Variants in HMG20A observed in about 807,000 individuals in gnomAD.
HMG20A encodes high mobility group protein 20A.
Under a neutral mutation model 43.9 loss-of-function variants are expected in HMG20A, and 17 were observed. The ratio of observed to expected loss-of-function variants is 0.39; its 90% CI spans 0.27 to 0.58. The LOEUF (loss-of-function observed/expected upper bound fraction) is 0.58. Ranked by LOEUF, HMG20A falls within the 20% of genes least tolerant of loss-of-function variation. The probability of loss-of-function intolerance (pLI) is 0.59; values close to 1 mark genes in which losing one functional copy is unlikely to be tolerated. For synonymous variants in HMG20A, 132 were observed against 147.5 expected (o/e 0.89, Z 0.76); for missense variants, 341 against 438.2 (o/e 0.78, Z 1.98).
the HMG20A span, among the ~76,000 whole-genome samples, chr15:77,505,261 G>A: frequency 6.6e-6 from 1 of 152,242 alleles, no homozygotes; most frequent in Admixed American, 6.5e-5. Context: ...CATCGACAAG[G>A]CTGAAGCAGG....
At chr15:77,519,435 A>C in the HMG20A span, among the ~76,000 whole-genome samples, 4 of 152,310 alleles carry the variant, frequency 2.6e-5, no homozygotes, top group South Asian at 4.1e-4. Context: ...GTGTCCCTCC[A>C]ATATTCACAT....
chr15:77,436,579 CT>C (rs2073551366), intron 1 of HMG20A, among the ~76,000 whole-genome samples: 1 of 152,106 alleles, frequency 6.6e-6, no homozygotes, highest in African/African-American at 2.4e-5. Flanking sequence ...CTGCCTCAGC[CT>C]CCCAAGTAGC....
chr15:77,486,452 G>T (rs1437993185), downstream of HMG20A, among the ~76,000 whole-genome samples: 1 of 151,964 alleles, frequency 6.6e-6, no homozygotes, highest in East Asian at 1.9e-4. Context: ...GTAGAGACAG[G>T]GTTTCACCAT....
the HMG20A span, among the ~76,000 whole-genome samples, chr15:77,498,401 T>A: frequency 1.7e-4 from 26 of 152,204 alleles, no homozygotes; most frequent in Admixed American, 1.7e-3. Flanking sequence ...GGGTGTTAAC[T>A]CTGTTTATTC....
At chr15:77,477,209 A>G (rs560959098) in intron 6 of HMG20A, among the ~76,000 whole-genome samples, 3 of 152,348 alleles carry the variant, frequency 2.0e-5, no homozygotes, top group Admixed American at 6.5e-5. Context: ...CTCTTTCTCA[A>G]TTCCCACTGC....
intron 1 of HMG20A, among the ~76,000 whole-genome samples, chr15:77,427,398 C>A (rs1483223004): frequency 6.6e-6 from 1 of 152,110 alleles, no homozygotes; most frequent in Non-Finnish European, 1.5e-5. Flanking sequence ...AATGGTTCTA[C>A]AAGCATGGGT....
chr15:77,510,700 C>T, the HMG20A span, among the ~76,000 whole-genome samples: 1 of 152,138 alleles, frequency 6.6e-6, no homozygotes, highest in Non-Finnish European at 1.5e-5. Flanking sequence ...CCAGCAGCTC[C>T]GGCAGTAGTC....
At chr15:77,467,771 GC>G (rs2142341687) in intron 4 of HMG20A, among the ~76,000 whole-genome samples, 1 of 152,214 alleles carries the variant, frequency 6.6e-6, no homozygotes, top group Non-Finnish European at 1.5e-5. Context: ...TGAAAATAAA[GC>G]AAGAACAACT....
chr15:77,491,407 T>C, the HMG20A span, among the ~76,000 whole-genome samples: 6 of 152,226 alleles, frequency 3.9e-5, no homozygotes, highest in Admixed American at 2.0e-4. Context: ...TTATGTTATA[T>C]TTATCAAAAG....
At chr15:77,445,651 C>A (rs1040561518) in intron 1 of HMG20A, among the ~76,000 whole-genome samples, 1 of 152,086 alleles carries the variant, frequency 6.6e-6, no homozygotes, top group Admixed American at 6.6e-5. Flanking sequence ...TTGGCATATC[C>A]ATACTGGCAG....
At chr15:77,471,691 G>A in intron 5 of HMG20A, 92 bp from the exon 6 acceptor site, 1 of 775,922 alleles carries the variant, frequency 1.3e-6, no homozygotes, top group East Asian at 2.5e-5. Flanking sequence ...ACATATACAA[G>A]CAGGTTTTAT....
chr15:77,474,791 A>C (rs1170509902), intron 6 of HMG20A, among the ~76,000 whole-genome samples: 2 of 152,164 alleles, frequency 1.3e-5, no homozygotes, highest in African/African-American at 4.8e-5. Flanking sequence ...GCATTTCCCA[A>C]AGTAAAAGTC....
rs778950536 is a variant in HMG20A, at chr15:77,467,076, A to ATTTTG, written c.238-7_238-3dup. 3.1e-6 allele frequency: 5 copies of ATTTTG among 1,590,496 alleles called. No individual in the cohort carries two copies. In the South Asian group the frequency reaches 5.6e-5, roughly 18 times the overall value. On this transcript the variant is annotated intron_variant, in intron 3 of 9. Transcript: ENST00000336216. ...GTTGTTGTTTGGTTTTTGGTTTTTT[A>ATTTTG]TTTTGTTTTGTTTTGTAGCAACGAA... is the stretch of plus-strand genomic sequence containing the variant.
In HMG20A at chr15:77,480,445, T is replaced by TA. The variant is rs200460459; in HGVS notation, c.*6+1133dup. Among the ~76,000 whole-genome samples, 225 of 149,966 alleles carry TA rather than the reference T, an allele frequency of 1.5e-3. 1 individual carries two copies. Among genetic ancestry groups the TA allele is most frequent in the East Asian group, 2.3e-3 (12 of 5,140 alleles). On this transcript the variant is annotated intron_variant, in intron 9 of 9. Coordinates refer to ENST00000336216, the MANE Select transcript of HMG20A (RefSeq NM_001304504.2). ...GGGCAAAATAGTGAGACCCCTGCTT[T>TA]AAAAAAAAATGAAAAAAATTAGCTG...
At position 77,458,475 on chromosome 15, in the gene HMG20A, G is replaced by A. The variant is rs1300494618; in HGVS notation, c.68G>A (p.Ser23Asn). The change falls in exon 2 of 10, where the codon AGT (serine) becomes AAT (asparagine). Residue 23 changes from serine to asparagine, a missense_variant. Ser to Asn is a conservative substitution (Grantham distance 46). This residue lies in a region of HMG20A where 220 missense variants were observed against 263.6 expected (regional missense o/e 0.83). Coordinates refer to ENST00000336216, the MANE Select transcript of HMG20A (RefSeq NM_001304504.2). ...LFADEDGSKE[S>N]NDLATTGLNH... is the part of the protein sequence containing the mutation. ...GCAGATGAAGACGGTTCCAAGGAGA[G>A]TAATGATCTGGCTACCACTGGGTAA... 6.2e-7 allele frequency: 1 copy of A among 1,612,678 alleles called. No individual in the cohort carries two copies. Among genetic ancestry groups the A allele is most frequent in the Non-Finnish European group, 8.5e-7 (1 of 1,178,808 alleles).
the HMG20A span, among the ~76,000 whole-genome samples, chr15:77,516,194 C>A: frequency 6.6e-6 from 1 of 152,142 alleles, no homozygotes; most frequent in Non-Finnish European, 1.5e-5. Flanking sequence ...ACTTTTACAC[C>A]GTGGCAAAAC....
the HMG20A span, among the ~76,000 whole-genome samples, chr15:77,507,883 G>T: frequency 6.6e-6 from 1 of 151,510 alleles, no homozygotes; most frequent in Admixed American, 6.6e-5. Flanking sequence ...GTTGTGGGGG[G>T]GCGGTGCTGA....
At chr15:77,513,729 C>T in the HMG20A span, among the ~76,000 whole-genome samples, 3 of 143,054 alleles carry the variant, frequency 2.1e-5, no homozygotes. Flanking sequence ...CCTTCACTAC[C>T]TCCTTTTTTT....
chr15:77,451,281 G>T (rs2072599580), intron 1 of HMG20A, among the ~76,000 whole-genome samples: 1 of 152,184 alleles, frequency 6.6e-6, no homozygotes, highest in African/African-American at 2.4e-5. Flanking sequence ...AAATATTAAG[G>T]TAAGAAGTGC....
Sources: allele counts gnomAD v4.1 joint callset (sites outside exome capture counted in the v4.1 genomes callset), GRCh38; gene constraint gnomAD v4.1.1; regional missense constraint gnomAD v4.1.1; transcripts MANE v1.5; gene names NCBI Gene and HGNC (gene_info 2026-07-23, HGNC 2026-07-21).